Variants in MAGI2 observed in about 807,000 individuals in gnomAD.
MAGI2 encodes the protein membrane associated guanylate kinase, WW and PDZ domain containing 2.
In MAGI2, 35 loss-of-function variants were observed where a neutral mutation model predicts 133.3. The observed-to-expected ratio is 0.26, with a 90% CI of 0.20 to 0.35. The LOEUF is 0.35. Among genes scored for constraint, MAGI2 ranks in the 10% least tolerant of loss-of-function variants. The pLI, the probability that MAGI2 is intolerant of heterozygous loss-of-function variation, is 1.00. For synonymous variants in MAGI2, 729 were observed against 710.6 expected (o/e 1.03, Z -0.41); for missense variants, 1,636 against 1,863.4 (o/e 0.88, Z 2.25).
intron 9 of MAGI2, among the ~76,000 whole-genome samples, chr7:78,302,634 T>C (rs1797927799): frequency 6.6e-6 from 1 of 152,224 alleles, no homozygotes; most frequent in Admixed American, 6.5e-5. Flanking sequence ...CTCCCATTTA[T>C]TGAGTGCCTA....
chr7:78,847,290 A>G lies in MAGI2; in HGVS notation c.418+159800T>C, dbSNP rs74971718. ...ATACATGGATTCTACTTTTGTAGAC[A>G]TTATAGTTTAAGAAGACAGCTTATA... On this transcript the variant is annotated intron_variant, in intron 2 of 21. Coordinates refer to ENST00000354212, the MANE Select transcript of MAGI2 (RefSeq NM_012301.4). 5.7e-3 allele frequency among the ~76,000 whole-genome samples: 867 copies of G among 152,100 alleles called. 10 individuals carry two copies. Among genetic ancestry groups the G allele is most frequent in the African/African-American group, 0.019 (801 of 41,534 alleles).
At chr7:78,081,757 G>A (rs1490480392) in intron 20 of MAGI2, among the ~76,000 whole-genome samples, 2 of 152,186 alleles carry the variant, frequency 1.3e-5, no homozygotes, top group East Asian at 3.8e-4. Context: ...GACCGGGGAA[G>A]CTGAGTGGTG....
intron 1 of MAGI2, among the ~76,000 whole-genome samples, chr7:79,169,586 T>C (rs1257845284): frequency 6.6e-6 from 1 of 152,130 alleles, no homozygotes; most frequent in African/African-American, 2.4e-5. Context: ...CAGCTGGCTT[T>C]CAATATGTGT....
chr7:79,429,527 A>T (rs939021524), intron 1 of MAGI2, among the ~76,000 whole-genome samples: 1 of 151,942 alleles, frequency 6.6e-6, no homozygotes, highest in Non-Finnish European at 1.5e-5. Flanking sequence ...CTGGTCTCGA[A>T]CTCCTGGCCT....
intron 10 of MAGI2, among the ~76,000 whole-genome samples, chr7:78,220,947 T>G (rs1210043470): frequency 6.6e-6 from 1 of 152,220 alleles, no homozygotes; most frequent in Non-Finnish European, 1.5e-5. Flanking sequence ...TAGGTGCAGC[T>G]GCCGGGTTTA....
At position 79,239,415 on chromosome 7, in the gene MAGI2, T is replaced by C. The variant is rs143918024; in HGVS notation, c.301+213605A>G. Among the ~76,000 whole-genome samples the C allele has an allele frequency of 4.1e-4, 63 of 152,244 alleles. 1 individual carries two copies. The highest frequency in any genetic ancestry group is 1.4e-3 in the African/African-American group (58 of 41,544). On this transcript the variant is annotated intron_variant, in intron 1 of 21. Coordinates refer to ENST00000354212, the MANE Select transcript of MAGI2 (RefSeq NM_012301.4). ...TTAATAGTTTCCCAGGGAAGGGAGG[T>C]GCCGTATCACATGTCACTGATCAAT...
intron 6 of MAGI2, among the ~76,000 whole-genome samples, chr7:78,452,036 A>G (rs1788776851): frequency 6.6e-6 from 1 of 152,090 alleles, no homozygotes; most frequent in Non-Finnish European, 1.5e-5. Context: ...TGATGTAACA[A>G]TATCTTTGTA....
intron 1 of MAGI2, among the ~76,000 whole-genome samples, chr7:79,251,263 G>T (rs888013217): frequency 1.3e-5 from 2 of 152,026 alleles, no homozygotes; most frequent in Non-Finnish European, 2.9e-5. Context: ...AAAAGGTCCT[G>T]CAGAGTCAAG....
At chr7:78,120,972 G>A (rs1484086691) in intron 20 of MAGI2, among the ~76,000 whole-genome samples, 19 of 128,114 alleles carry the variant, frequency 1.5e-4, no homozygotes, top group Admixed American at 2.6e-4. Context: ...CTGCACTCCA[G>A]CCTGGGCGAC....
At chr7:78,603,601 C>G (rs751515895) in intron 3 of MAGI2, among the ~76,000 whole-genome samples, 3 of 152,176 alleles carry the variant, frequency 2.0e-5, no homozygotes, top group African/African-American at 7.2e-5. Flanking sequence ...CAGCTCACTG[C>G]AACCTCTGCC....
At chr7:78,718,886 T>A (rs1395934056) in intron 2 of MAGI2, among the ~76,000 whole-genome samples, 1 of 152,102 alleles carries the variant, frequency 6.6e-6, no homozygotes, top group Non-Finnish European at 1.5e-5. Flanking sequence ...CGGTTGCCAG[T>A]GACACTGTAG....
chr7:79,146,887 A>G (rs569677148), intron 1 of MAGI2, among the ~76,000 whole-genome samples: 2 of 152,350 alleles, frequency 1.3e-5, no homozygotes, highest in South Asian at 4.1e-4. Context: ...CTCTGCCCTG[A>G]TGGAGTAAGA....
intron 10 of MAGI2, among the ~76,000 whole-genome samples, chr7:78,245,661 GAC>G (rs1244955784): frequency 2.6e-5 from 4 of 152,050 alleles, no homozygotes; most frequent in African/African-American, 9.7e-5. Context: ...AACCAGGAGG[GAC>G]TTCTCCCTGT....
chr7:78,547,254 ATAAG>A (rs1356724377), intron 3 of MAGI2, among the ~76,000 whole-genome samples: 3 of 152,268 alleles, frequency 2.0e-5, no homozygotes, highest in African/African-American at 7.2e-5. Context: ...ATTAATTAAA[ATAAG>A]TAAGATTATT....
At chr7:78,300,164 T>G (rs2151070777) in intron 9 of MAGI2, among the ~76,000 whole-genome samples, 1 of 152,330 alleles carries the variant, frequency 6.6e-6, no homozygotes, top group South Asian at 2.1e-4. Flanking sequence ...TCAAAGTAAC[T>G]TTTATGTTAA....
intron 9 of MAGI2, among the ~76,000 whole-genome samples, chr7:78,294,083 A>T (rs992743417): frequency 1.4e-4 from 21 of 152,108 alleles, no homozygotes; most frequent in Middle Eastern, 3.4e-3. Flanking sequence ...ATAATAAAAA[A>T]ATATATATAA....
intron 2 of MAGI2, among the ~76,000 whole-genome samples, chr7:78,753,665 T>C (rs1823666286): frequency 6.6e-6 from 1 of 151,902 alleles, no homozygotes; most frequent in African/African-American, 2.4e-5. Context: ...TGATTACAAC[T>C]AGTTACGGAT....
Position 78,769,246 on chromosome 7 carries a change from T to A in MAGI2, c.419-142007A>T, listed in dbSNP as rs73135572. On this transcript the variant is annotated intron_variant, in intron 2 of 21. Transcript: ENST00000354212. The stretch of plus-strand genomic sequence containing the variant: ...GCTTTTTACTTTCAGAGATGGACGA[T>A]ACAGGCAAATATCTATTTTTTTTTT... 8.6e-3 allele frequency among the ~76,000 whole-genome samples: 1,222 copies of A among 141,682 alleles called. 12 individuals are homozygous for A. Among genetic ancestry groups the A allele is most frequent in the South Asian group, 0.02 (89 of 4,534 alleles). 92.9% of individuals were successfully genotyped at this position (141,682 alleles called of 152,430 possible).
chr7:79,304,205 G>GTGTGTGTGTC (rs1585498631), intron 1 of MAGI2, among the ~76,000 whole-genome samples: 1 of 145,338 alleles, frequency 6.9e-6, no homozygotes, highest in African/African-American at 2.6e-5. Context: ...GTGTGTGTCT[G>GTGTGTGTGTC]TGTGTGTGTG....
Sources: allele counts gnomAD v4.1 joint callset (sites outside exome capture counted in the v4.1 genomes callset), GRCh38; gene constraint gnomAD v4.1.1; transcripts MANE v1.5; gene names NCBI Gene and HGNC (gene_info 2026-07-23, HGNC 2026-07-21).